The following CACNB2 variants were observed in gnomAD, a reference collection of about 807,000 sequenced individuals.
CACNB2 encodes voltage-dependent L-type calcium channel subunit beta-2.
In CACNB2, 42 loss-of-function variants were observed where a neutral mutation model predicts 73.3. The observed-to-expected ratio is 0.57, with a 90% confidence interval of 0.45 to 0.74. The LOEUF (loss-of-function observed/expected upper bound fraction) is 0.74, where lower values mean the gene tolerates loss of function less well. CACNB2 is among the 30% of genes least tolerant of loss of function. CACNB2 has a pLI of 0.00. For synonymous variants in CACNB2, 348 were observed against 310.3 expected (o/e 1.12, Z -1.28); for missense variants, 940 against 853.0 (o/e 1.10, Z -1.27).
At chr10:18,236,315 C>T (rs2036443653) in intron 2 of CACNB2, among the ~76,000 whole-genome samples, 1 of 152,186 alleles carries the variant, frequency 6.6e-6, no homozygotes, top group Non-Finnish European at 1.5e-5. Context: ...TCGGCTGCTA[C>T]AGTACCACCT....
chr10:18,486,206 G>A (rs1038601537), intron 3 of CACNB2, among the ~76,000 whole-genome samples: 1 of 152,072 alleles, frequency 6.6e-6, no homozygotes, highest in African/African-American at 2.4e-5. Context: ...TTTAATCATA[G>A]GTATTCATTC....
In CACNB2 at chr10:18,259,732, GAA is replaced by G. The variant is rs34296190; in HGVS notation, c.213+108777_213+108778del. 2.7e-3 allele frequency among the ~76,000 whole-genome samples: 112 copies of G among 40,986 alleles called. No homozygotes were observed. The East Asian group carries it at 0.042, about 15-fold the overall frequency. 26.9% of individuals were successfully genotyped at this position (40,986 alleles called of 152,430 possible). A position where few individuals can be genotyped will look rare whatever the true frequency, so the allele number is the denominator to read the frequency against. Reference sequence around the variant, plus strand: ...GGTGACAGAGTGAGACTCTGTCTCAGAAAAAAAAAAAAAAAAAAAAATTAAGC... The same window carrying G: ...GGTGACAGAGTGAGACTCTGTCTCAGAAAAAAAAAAAAAAAAAAATTAAGC... On this transcript the variant is annotated intron_variant, in intron 2 of 13. Coordinates refer to ENST00000324631, the MANE Select transcript of CACNB2 (RefSeq NM_201596.3).
chr10:18,521,528 C>T (rs567892149), intron 9 of CACNB2, among the ~76,000 whole-genome samples: 5 of 152,260 alleles, frequency 3.3e-5, no homozygotes, highest in Admixed American at 2.0e-4. Context: ...CCTCTTCCCC[C>T]GGTCACTATT....
intron 2 of CACNB2, among the ~76,000 whole-genome samples, chr10:18,193,211 T>G (rs2131275955): frequency 6.6e-6 from 1 of 151,998 alleles, no homozygotes; most frequent in Middle Eastern, 3.4e-3. Flanking sequence ...CTAGCTATTT[T>G]GAAATATATA....
chr10:18,143,178 G>C (rs1588530920), intron 1 of CACNB2, among the ~76,000 whole-genome samples: 1 of 152,310 alleles, frequency 6.6e-6, no homozygotes, highest in East Asian at 1.9e-4. Flanking sequence ...TTGAGCGACA[G>C]GGAACTGTGG....
chr10:18,220,218 TATATATATATATATAG>T (rs2035705656), intron 2 of CACNB2, among the ~76,000 whole-genome samples: 1 of 45,896 alleles, frequency 2.2e-5, no homozygotes, highest in Admixed American at 2.3e-4. Context: ...TATATATATA[TATATATATATATATAG>T]AGAGAGAGAG....
At chr10:18,480,271 A>ATT (rs146705177) in intron 3 of CACNB2, among the ~76,000 whole-genome samples, 26 of 151,294 alleles carry the variant, frequency 1.7e-4, no homozygotes, top group African/African-American at 5.1e-4. Flanking sequence ...TTCACTTTTA[A>ATT]TTGTTTTTTT....
chr10:18,232,919 C>G (rs1232377177), intron 2 of CACNB2, among the ~76,000 whole-genome samples: 1 of 152,096 alleles, frequency 6.6e-6, no homozygotes, highest in Non-Finnish European at 1.5e-5. Flanking sequence ...AACCCCAACT[C>G]TACAAAAAGT....
At chr10:18,520,903 T>C (rs2133180649) in intron 9 of CACNB2, among the ~76,000 whole-genome samples, 1 of 152,328 alleles carries the variant, frequency 6.6e-6, no homozygotes, top group Middle Eastern at 3.4e-3. Flanking sequence ...TCCCTCTGTT[T>C]TCTAGTGCTC....
intron 3 of CACNB2, among the ~76,000 whole-genome samples, chr10:18,433,267 C>A (rs2045977213): frequency 6.6e-6 from 1 of 152,118 alleles, no homozygotes; most frequent in African/African-American, 2.4e-5. Context: ...GGAGAGAGAG[C>A]AAGATTGGTT....
intron 3 of CACNB2, among the ~76,000 whole-genome samples, chr10:18,463,995 A>G (rs2047727116): frequency 6.6e-6 from 1 of 151,994 alleles, no homozygotes; most frequent in African/African-American, 2.4e-5. Flanking sequence ...ATTGCTCCCA[A>G]CAAGGCCACT....
intron 3 of CACNB2, among the ~76,000 whole-genome samples, chr10:18,428,865 A>G (rs1210917492): frequency 1.3e-5 from 2 of 152,200 alleles, no homozygotes; most frequent in Non-Finnish European, 2.9e-5. Context: ...GGAGCATTTA[A>G]GGCTGATAAC....
At position 18,214,265 on chromosome 10, in the gene CACNB2, G is replaced by T. The variant is rs148368031; in HGVS notation, c.213+63290G>T. Among the ~76,000 whole-genome samples the T allele has an allele frequency of 5.4e-4, 37 of 68,464 alleles. 10 individuals carry two copies. The East Asian group carries it at 0.011, about 20-fold the overall frequency. 44.9% of individuals were successfully genotyped at this position (68,464 alleles called of 152,430 possible). A position where few individuals can be genotyped will look rare whatever the true frequency, so the allele number is the denominator to read the frequency against. ...GAAACAAGCATTGCTGCCTGGAATG[G>T]ATTAAAAACAGAAGATCTCTACTTC... On this transcript the variant is annotated intron_variant, in intron 2 of 13. Coordinates refer to ENST00000324631, the MANE Select transcript of CACNB2 (RefSeq NM_201596.3).
In CACNB2 at chr10:18,441,911, G is replaced by A. The variant is rs1049431721; in HGVS notation, c.333+39868G>A. On this transcript the variant is annotated intron_variant, in intron 3 of 13. Transcript: ENST00000324631. The stretch of plus-strand genomic sequence containing the variant: ...GTTGGGATTACAGGCGTTAGTCACC[G>A]CATCCAGCCTCAGTGTGATGTTTTG... 9.9e-5 allele frequency among the ~76,000 whole-genome samples: 15 copies of A among 152,282 alleles called. No homozygotes were observed. In the East Asian group the frequency reaches 1.2e-3, roughly 12 times the overall value.
intron 3 of CACNB2, among the ~76,000 whole-genome samples, chr10:18,442,308 C>T (rs528318453): frequency 1.4e-4 from 21 of 152,020 alleles, no homozygotes; most frequent in African/African-American, 5.1e-4. Context: ...TGCAACCACG[C>T]CCAGCCAATT....
At chr10:18,510,912 T>A (rs1044127919) in intron 6 of CACNB2, among the ~76,000 whole-genome samples, 2 of 152,198 alleles carry the variant, frequency 1.3e-5, no homozygotes, top group Non-Finnish European at 2.9e-5. Context: ...GTCCTTCATA[T>A]CCAGGAAAGC....
rs1157419798 is a variant in CACNB2, at chr10:18,442,984, ATG to A, written c.333+40943_333+40944del. 3.3e-3 allele frequency among the ~76,000 whole-genome samples: 64 copies of A among 19,258 alleles called. 3 individuals are homozygous for A. The highest frequency in any genetic ancestry group is 0.013 in the East Asian group (4 of 298). The allele number at this position is 19,258 out of a possible 152,430, so 12.6% of individuals were successfully genotyped here. On this transcript the variant is annotated intron_variant, in intron 3 of 13. Transcript: ENST00000324631. ...TATATATATATGTGTATATATATAT[ATG>A]TATATATATATGTGTATATATATAT...
intron 3 of CACNB2, among the ~76,000 whole-genome samples, chr10:18,415,163 A>G (rs1045258932): frequency 6.6e-6 from 1 of 152,168 alleles, no homozygotes; most frequent in Non-Finnish European, 1.5e-5. Flanking sequence ...TGTGGTAGCT[A>G]TCAGACTTAA....
chr10:18,272,890 G>A (rs897985014), intron 2 of CACNB2, among the ~76,000 whole-genome samples: 2 of 152,136 alleles, frequency 1.3e-5, no homozygotes, highest in African/African-American at 4.8e-5. Context: ...TGTACTTTGG[G>A]TCACTAGCGT....
Sources: allele counts gnomAD v4.1 joint callset (sites outside exome capture counted in the v4.1 genomes callset), GRCh38; gene constraint gnomAD v4.1.1; transcripts MANE v1.5; gene names NCBI Gene and HGNC (gene_info 2026-07-23, HGNC 2026-07-21).